SH3BGRL2: variants seen among roughly 807,000 people sequenced by gnomAD.
The protein encoded by SH3BGRL2 is SH3 domain binding glutamate rich protein like 2, also known as SH3 domain-binding glutamic acid-rich-like protein 2.
SH3BGRL2 carries 21 observed loss-of-function variants against 14.8 expected under a neutral mutation model. The ratio of observed to expected loss-of-function variants is 1.42; its 90% CI spans 1.01 to 2.05. SH3BGRL2 has a LOEUF of 2.05. Ranked by LOEUF, SH3BGRL2 falls within the 30% of genes most tolerant of loss-of-function variation. The probability of loss-of-function intolerance (pLI) is 0.00; values close to 1 mark genes in which losing one functional copy is unlikely to be tolerated. For synonymous variants in SH3BGRL2, 50 were observed against 47.8 expected (o/e 1.05, Z -0.19); for missense variants, 147 against 130.8 (o/e 1.12, Z -0.61).
At chr6:79,588,185 C>G in the SH3BGRL2 span, among the ~76,000 whole-genome samples, 1 of 149,622 alleles carries the variant, frequency 6.7e-6, no homozygotes, top group Admixed American at 6.7e-5. Context: ...CCCAGCTACT[C>G]GGGAGGCTGA....
At chr6:79,686,489 G>T (rs1279304005) in intron 2 of SH3BGRL2, among the ~76,000 whole-genome samples, 2 of 151,868 alleles carry the variant, frequency 1.3e-5, no homozygotes, top group African/African-American at 4.8e-5. Flanking sequence ...TTATCTTCTA[G>T]ATCTCTAGCC....
chr6:79,663,716 C>T (rs768069437), intron 1 of SH3BGRL2, among the ~76,000 whole-genome samples: 1 of 152,196 alleles, frequency 6.6e-6, no homozygotes, highest in East Asian at 1.9e-4. Flanking sequence ...CAGACAGGGA[C>T]GTTTAAGTCT....
the SH3BGRL2 span, among the ~76,000 whole-genome samples, chr6:79,558,204 G>C: frequency 6.6e-6 from 1 of 152,166 alleles, no homozygotes; most frequent in South Asian, 2.1e-4. Context: ...GCCTGCTACT[G>C]AAACTCCTAT....
At chr6:79,566,337 A>G in the SH3BGRL2 span, among the ~76,000 whole-genome samples, 14 of 152,272 alleles carry the variant, frequency 9.2e-5, no homozygotes, top group Non-Finnish European at 1.9e-4. Flanking sequence ...GTTATACTCA[A>G]ACATGCCCCA....
At chr6:79,661,689 T>G (rs1299835443) in intron 1 of SH3BGRL2, among the ~76,000 whole-genome samples, 2 of 152,232 alleles carry the variant, frequency 1.3e-5, no homozygotes, top group East Asian at 3.9e-4. Context: ...ATATCCTTGT[T>G]AATCTTCTGT....
chr6:79,673,189 G>A (rs1769806987), intron 1 of SH3BGRL2, among the ~76,000 whole-genome samples: 1 of 152,068 alleles, frequency 6.6e-6, no homozygotes, highest in Admixed American at 6.5e-5. Flanking sequence ...ATGGCCCACT[G>A]AGAACTAAGG....
the SH3BGRL2 span, among the ~76,000 whole-genome samples, chr6:79,611,704 G>A: frequency 6.6e-6 from 1 of 152,072 alleles, no homozygotes; most frequent in Non-Finnish European, 1.5e-5. Flanking sequence ...GAGCCACCAC[G>A]CCTGGCCCTA....
the SH3BGRL2 span, among the ~76,000 whole-genome samples, chr6:79,614,589 A>G: frequency 6.6e-6 from 1 of 152,080 alleles, no homozygotes; most frequent in African/African-American, 2.4e-5. Flanking sequence ...GACATGACAG[A>G]TGTAGAATCA....
Position 79,642,995 on chromosome 6 carries a change from A to T in SH3BGRL2, c.45+11489A>T, listed in dbSNP as rs1286112115. The stretch of plus-strand genomic sequence containing the variant: ...GAAAAATGTGGGAGACAGGAGAAGG[A>T]AAAAGACACCTGGAAGAGGGGACCC... On this transcript the variant is annotated intron_variant, in intron 1 of 3. Transcript: ENST00000369838. 3.3e-5 allele frequency among the ~76,000 whole-genome samples: 5 copies of T among 152,336 alleles called. No homozygotes were observed. The South Asian group carries it at 1.0e-3, about 32-fold the overall frequency.
the SH3BGRL2 span, among the ~76,000 whole-genome samples, chr6:79,554,299 G>T: frequency 6.6e-6 from 1 of 152,126 alleles, no homozygotes; most frequent in African/African-American, 2.4e-5. Flanking sequence ...GGAATTTCTA[G>T]AAGTTATTTT....
the SH3BGRL2 span, among the ~76,000 whole-genome samples, chr6:79,623,797 G>C: frequency 6.6e-6 from 1 of 152,042 alleles, no homozygotes; most frequent in Non-Finnish European, 1.5e-5. Context: ...CATTCAGTAG[G>C]CCCCTCAAAA....
At chr6:79,657,783 A>G (rs140340610) in intron 1 of SH3BGRL2, among the ~76,000 whole-genome samples, 1,531 of 152,234 alleles carry the variant, frequency 0.01, 20 homozygotes, top group South Asian at 0.014. Flanking sequence ...TGCCTGGCTA[A>G]TTAATTTTTT....
intron 1 of SH3BGRL2, among the ~76,000 whole-genome samples, chr6:79,655,333 G>A (rs1769384401): frequency 6.6e-6 from 1 of 152,140 alleles, no homozygotes; most frequent in South Asian, 2.1e-4. Flanking sequence ...GATGAAGGGA[G>A]ACTGCATAGG....
chr6:79,576,107 T>C, the SH3BGRL2 span, among the ~76,000 whole-genome samples: 16 of 152,278 alleles, frequency 1.1e-4, no homozygotes, highest in African/African-American at 3.6e-4. Flanking sequence ...CCTTAAAATA[T>C]CTTAATTCCA....
chr6:79,601,013 C>G, the SH3BGRL2 span, among the ~76,000 whole-genome samples: 1 of 151,410 alleles, frequency 6.6e-6, no homozygotes, highest in African/African-American at 2.4e-5. Flanking sequence ...CTCCCACCAT[C>G]AACTCTAAAC....
At chr6:79,684,590 C>G (rs1417327370) in intron 2 of SH3BGRL2, among the ~76,000 whole-genome samples, 1 of 152,136 alleles carries the variant, frequency 6.6e-6, no homozygotes, top group African/African-American at 2.4e-5. Flanking sequence ...TGGGACATGC[C>G]TTGTCAAGGT....
the SH3BGRL2 span, among the ~76,000 whole-genome samples, chr6:79,589,947 T>C: frequency 6.6e-6 from 1 of 152,078 alleles, no homozygotes. Flanking sequence ...AATTTTTGTT[T>C]TTTTTTGTAG....
At chr6:79,598,053 A>G in the SH3BGRL2 span, among the ~76,000 whole-genome samples, 13 of 152,360 alleles carry the variant, frequency 8.5e-5, no homozygotes, top group East Asian at 1.9e-3. Context: ...AACCAAATTG[A>G]GCCATCACTT....
At chr6:79,634,083 G>T (rs1768876898) in intron 1 of SH3BGRL2, among the ~76,000 whole-genome samples, 1 of 152,224 alleles carries the variant, frequency 6.6e-6, no homozygotes, top group Admixed American at 6.5e-5. Flanking sequence ...AGGAAGGGAT[G>T]TGACCAGAAT....
Sources: gnomAD v4.1 joint callset for allele counts (sites outside exome capture counted in the v4.1 genomes callset) on GRCh38, gnomAD v4.1.1 for gene constraint, MANE v1.5 for transcripts, NCBI Gene and HGNC (gene_info 2026-07-23, HGNC 2026-07-21) for gene names.